Variants in NKAIN3 observed in about 807,000 individuals in gnomAD.
NKAIN3 encodes the protein sodium/potassium transporting ATPase interacting 3, also known as sodium/potassium-transporting ATPase subunit beta-1-interacting protein 3.
NKAIN3 carries 25 observed loss-of-function variants against 30.2 expected under a neutral mutation model. That is an observed-to-expected ratio of 0.83 (90% CI 0.60 to 1.16). The LOEUF is 1.16. NKAIN3 is among the 50% of genes most tolerant of loss of function. The probability of loss-of-function intolerance (pLI) is 0.00; values close to 1 mark genes in which losing one functional copy is unlikely to be tolerated. For synonymous variants in NKAIN3, 91 were observed against 89.6 expected (o/e 1.02, Z -0.09); for missense variants, 225 against 254.1 (o/e 0.89, Z 0.78).
chr8:62,273,066 G>A (rs1381515649), intron 1 of NKAIN3, among the ~76,000 whole-genome samples: 1 of 152,112 alleles, frequency 6.6e-6, no homozygotes. Flanking sequence ...AAATCACTGG[G>A]GTGGTTGTGT....
intron 3 of NKAIN3, among the ~76,000 whole-genome samples, chr8:62,692,062 G>A (rs1042483891): frequency 2.0e-5 from 3 of 152,064 alleles, no homozygotes; most frequent in Non-Finnish European, 4.4e-5. Context: ...TCTTCCAGCA[G>A]GCCATCCTGG....
intron 1 of NKAIN3, among the ~76,000 whole-genome samples, chr8:62,254,678 C>A (rs1812212376): frequency 6.6e-6 from 1 of 151,902 alleles, no homozygotes; most frequent in African/African-American, 2.4e-5. Context: ...AATAAAAATA[C>A]ATGAATTGTC....
At chr8:62,749,923 C>T (rs1816222953) in intron 4 of NKAIN3, among the ~76,000 whole-genome samples, 1 of 151,792 alleles carries the variant, frequency 6.6e-6, no homozygotes, top group Admixed American at 6.6e-5. Flanking sequence ...CTCAGGTGAT[C>T]CACCCGCCTC....
At chr8:62,407,028 C>T (rs996778000) in intron 1 of NKAIN3, among the ~76,000 whole-genome samples, 1 of 152,108 alleles carries the variant, frequency 6.6e-6, no homozygotes, top group East Asian at 1.9e-4. Flanking sequence ...ACAATATAGA[C>T]ATTTGAATGT....
intron 1 of NKAIN3, among the ~76,000 whole-genome samples, chr8:62,327,376 C>G (rs915660699): frequency 2.0e-5 from 3 of 151,966 alleles, no homozygotes; most frequent in African/African-American, 7.2e-5. Context: ...GTGTCATATT[C>G]AAGAAGTAAT....
chr8:62,762,026 A>T (rs1329579797), intron 4 of NKAIN3, among the ~76,000 whole-genome samples: 3 of 152,182 alleles, frequency 2.0e-5, no homozygotes, highest in South Asian at 4.1e-4. Context: ...TCTCTTAGGA[A>T]GTAGCATTGC....
intron 5 of NKAIN3, among the ~76,000 whole-genome samples, chr8:62,922,102 T>G (rs1035610813): frequency 2.6e-5 from 4 of 152,194 alleles, no homozygotes; most frequent in Admixed American, 1.3e-4. Flanking sequence ...AATGAATCCC[T>G]CAGATGTGGG....
At chr8:62,263,934 G>A (rs540838687) in intron 1 of NKAIN3, among the ~76,000 whole-genome samples, 5 of 152,212 alleles carry the variant, frequency 3.3e-5, no homozygotes, top group Admixed American at 2.6e-4. Context: ...ATAAACTACA[G>A]ACAAAAGATG....
chr8:62,377,701 A>T (rs893585294), intron 1 of NKAIN3, among the ~76,000 whole-genome samples: 24 of 151,928 alleles, frequency 1.6e-4, no homozygotes, highest in Non-Finnish European at 2.9e-4. Context: ...TTCTCATGAG[A>T]TCTGATGGTT....
chr8:62,659,655 G>A (rs1812877811), intron 3 of NKAIN3, among the ~76,000 whole-genome samples: 1 of 152,112 alleles, frequency 6.6e-6, no homozygotes, highest in Admixed American at 6.6e-5. Flanking sequence ...CTGGTTGAAG[G>A]GTGAGAACAG....
At chr8:62,651,282 G>C (rs776170784) in intron 3 of NKAIN3, among the ~76,000 whole-genome samples, 127 of 152,036 alleles carry the variant, frequency 8.4e-4, no homozygotes, top group Admixed American at 2.3e-3. Flanking sequence ...ATGATAAAAA[G>C]GTGCCACATT....
intron 1 of NKAIN3, among the ~76,000 whole-genome samples, chr8:62,503,873 G>A (rs1003365369): frequency 1.3e-5 from 2 of 151,978 alleles, no homozygotes; most frequent in Non-Finnish European, 2.9e-5. Context: ...TCAAACACAC[G>A]TTTTACAATC....
At chr8:62,402,505 A>G (rs1376445684) in intron 1 of NKAIN3, among the ~76,000 whole-genome samples, 1 of 152,048 alleles carries the variant, frequency 6.6e-6, no homozygotes, top group Non-Finnish European at 1.5e-5. Context: ...AAGTAATTGA[A>G]TCATCGGGGT....
chr8:62,415,695 A>T (rs1464834624), intron 1 of NKAIN3, among the ~76,000 whole-genome samples: 1 of 151,296 alleles, frequency 6.6e-6, no homozygotes, highest in Non-Finnish European at 1.5e-5. Flanking sequence ...AAACTATAGA[A>T]ACTACTTCTT....
chr8:62,301,688 A>G (rs1353733961), intron 1 of NKAIN3, among the ~76,000 whole-genome samples: 1 of 152,112 alleles, frequency 6.6e-6, no homozygotes, highest in Admixed American at 6.6e-5. Flanking sequence ...TAATTTTCAA[A>G]ACAGCATTTT....
chr8:62,792,373 G>A (rs1209148909), intron 4 of NKAIN3, among the ~76,000 whole-genome samples: 2 of 152,118 alleles, frequency 1.3e-5, no homozygotes, highest in Non-Finnish European at 2.9e-5. Context: ...ATGGATTACA[G>A]AATAAATTAG....
intron 3 of NKAIN3, among the ~76,000 whole-genome samples, chr8:62,619,112 C>T (rs190299798): frequency 2.0e-5 from 3 of 152,048 alleles, no homozygotes; most frequent in African/African-American, 4.8e-5. Flanking sequence ...CAGGTGATTT[C>T]GTGTAAAGAT....
intron 1 of NKAIN3, among the ~76,000 whole-genome samples, chr8:62,388,730 G>A (rs563497899): frequency 4.6e-4 from 70 of 152,302 alleles, no homozygotes; most frequent in African/African-American, 1.6e-3. Context: ...TAATTACTAT[G>A]TCTTCAAACT....
At position 62,248,889 on chromosome 8, in the gene NKAIN3, C is replaced by G; in HGVS notation, c.-185C>G. 1.8e-6 allele frequency: 1 copy of G among 557,576 alleles called. No homozygotes were observed. The highest frequency in any genetic ancestry group is 3.1e-6 in the Non-Finnish European group (1 of 326,460). The allele number at this position is 557,576 out of a possible 1,614,324, so 34.5% of individuals were successfully genotyped here. A position where few individuals can be genotyped will look rare whatever the true frequency, so the allele number is the denominator to read the frequency against. On this transcript the variant is annotated 5_prime_UTR_variant, in exon 1 of 7. Transcript: ENST00000623646. Reference sequence around the variant, plus strand: ...CGGGTCGTGCGCACCGCACTGACCTCGGCCCGCCCCGCCGGGAAACTAACA... The same window carrying G: ...CGGGTCGTGCGCACCGCACTGACCTGGGCCCGCCCCGCCGGGAAACTAACA...
Sources: allele counts gnomAD v4.1 joint callset (sites outside exome capture counted in the v4.1 genomes callset), GRCh38; gene constraint gnomAD v4.1.1; transcripts MANE v1.5; gene names NCBI Gene and HGNC (gene_info 2026-07-23, HGNC 2026-07-21).